SET: variants seen among roughly 807,000 people sequenced by gnomAD.
The protein encoded by SET is protein SET.
SET carries 4 observed loss-of-function variants against 39.0 expected under a neutral mutation model. The observed-to-expected ratio is 0.10, with a 90% CI of 0.05 to 0.23. The LOEUF (loss-of-function observed/expected upper bound fraction) is 0.23, where lower values mean the gene tolerates loss of function less well. SET is among the 10% of genes least tolerant of loss of function. The pLI is 1.00. For missense variants in SET, 137 were observed against 329.7 expected (o/e 0.42, Z 4.53); for synonymous variants, 114 against 115.9 (o/e 0.98, Z 0.11).
At chr9:128,684,843 CTT>C (rs1418081880), upstream of SET, among the ~76,000 whole-genome samples, 1 of 152,318 alleles carries the variant, frequency 6.6e-6, no homozygotes, top group South Asian at 2.1e-4. Context: ...GCCTCACCCT[CTT>C]GTCATTACAT....
exon 1 of SET, chr9:128,683,828 TCA>T (rs1861195466): frequency 4.4e-6 from 6 of 1,352,128 alleles, no homozygotes; most frequent in African/African-American, 4.4e-5. Flanking sequence ...TGGGGCAGTC[TCA>T]GTGTTCAGCC....
chr9:128,692,530 G>C (rs1861586299), intron 3 of SET, 132 bp from the exon 4 acceptor site: 2 of 618,610 alleles, frequency 3.2e-6, no homozygotes, highest in Middle Eastern at 4.5e-4. Context: ...TTGAGCAATT[G>C]CCTTTAGTTA....
At position 128,695,647 on chromosome 9, in the gene SET, C is replaced by T. The variant is rs898865842; in HGVS notation, c.*983C>T. ...CTAACTTCGTATTTTTTGATACGCACTTTGCAGGATGACCTCAGGGCTATG... is the reference window on the plus strand; with the variant it reads ...CTAACTTCGTATTTTTTGATACGCATTTTGCAGGATGACCTCAGGGCTATG... On this transcript the variant is annotated 3_prime_UTR_variant, in exon 8 of 8. Transcript: ENST00000322030. The T allele has an allele frequency of 1.8e-5, 4 of 225,400 alleles. No homozygotes were observed. The highest frequency in any genetic ancestry group is 6.7e-5 in the African/African-American group (3 of 45,052). The allele number at this position is 225,400 out of a possible 1,614,324, so 14.0% of individuals were successfully genotyped here.
At chr9:128,686,079 AG>A (rs1861277388), upstream of SET, among the ~76,000 whole-genome samples, 1 of 150,696 alleles carries the variant, frequency 6.6e-6, no homozygotes, top group Non-Finnish European at 1.5e-5. Flanking sequence ...GAGGCAAGGG[AG>A]GAATTCTGAG....
intron 3 of SET, chr9:128,692,450 T>A: frequency 1.0e-5 from 3 of 293,444 alleles, no homozygotes; most frequent in East Asian, 6.8e-5. Flanking sequence ...GATATACAGC[T>A]ACTGCTTTCT....
At chr9:128,693,233 CAAAAA>C (rs1024026081) in intron 5 of SET, among the ~76,000 whole-genome samples, 1 of 150,200 alleles carries the variant, frequency 6.7e-6, no homozygotes, top group Non-Finnish European at 1.5e-5. Flanking sequence ...TTCCAAAAAA[CAAAAA>C]AAAAGAGAAA....
In SET at chr9:128,689,617, A is replaced by T; in HGVS notation, c.35A>T (p.Glu12Val). ...SAPAAKVSKK[E>V]LNSNHDGADE... is the part of the protein sequence containing the mutation. ...CCGGCGGCCAAAGTCAGTAAAAAGGAGCTCAACTCCAACCACGACGGGGCC... is the reference window on the plus strand; with the variant it reads ...CCGGCGGCCAAAGTCAGTAAAAAGGTGCTCAACTCCAACCACGACGGGGCC... The change falls in exon 1 of 8, where the codon GAG becomes GTG. Residue 12 changes from glutamate to valine, a missense_variant. Glu to Val is a moderately radical substitution (Grantham distance 121, BLOSUM62 -2). Coordinates refer to ENST00000322030, the MANE Select transcript of SET (RefSeq NM_003011.4). 1 of 1,368,090 alleles carries T rather than the reference A, an allele frequency of 7.3e-7. No individual in the cohort carries two copies. Among genetic ancestry groups the T allele is most frequent in the Non-Finnish European group, 9.6e-7 (1 of 1,041,334 alleles). The allele number at this position is 1,368,090 out of a possible 1,614,324, so 84.7% of individuals were successfully genotyped here.
chr9:128,688,602 A>G (rs978204305), upstream of SET, among the ~76,000 whole-genome samples: 1 of 152,212 alleles, frequency 6.6e-6, no homozygotes, highest in Non-Finnish European at 1.5e-5. Context: ...TTATCATTTC[A>G]TAACAGAAAC....
At chr9:128,684,267 TG>T (rs1359583568), upstream of SET, among the ~76,000 whole-genome samples, 4 of 152,162 alleles carry the variant, frequency 2.6e-5, no homozygotes, top group East Asian at 7.8e-4. Flanking sequence ...CTTCCTCCTC[TG>T]GGGCTCCCTT....
At chr9:128,694,103 G>GGTGT in intron 7 of SET, 61 bp downstream of exon 7, 1 of 1,181,300 alleles carries the variant, frequency 8.5e-7, no homozygotes, top group South Asian at 1.6e-5. Flanking sequence ...GTTATTTTGG[G>GGTGT]GTGTATATAT....
intron 1 of SET, chr9:128,690,119 C>A: frequency 3.7e-6 from 1 of 268,274 alleles, no homozygotes; most frequent in Non-Finnish European, 5.7e-6. Context: ...CGCCCAGAGG[C>A]TGGCCCCGGC....
chr9:128,690,951 C>T, intron 1 of SET: 1 of 604,424 alleles, frequency 1.7e-6, no homozygotes, highest in Non-Finnish European at 3.0e-6. Flanking sequence ...CTATAGAAAA[C>T]CAATTTCTGA....
intron 1 of SET, 37 bp from the exon 2 acceptor site, chr9:128,691,133 T>A: frequency 6.5e-7 from 1 of 1,537,918 alleles, no homozygotes; most frequent in African/African-American, 1.4e-5. Flanking sequence ...CTAGGTAAAT[T>A]TATCTTAGAA....
chr9:128,686,141 G>A (rs565257846), upstream of SET, among the ~76,000 whole-genome samples: 3 of 152,176 alleles, frequency 2.0e-5, no homozygotes, highest in Non-Finnish European at 2.9e-5. Flanking sequence ...TGTTGGAGAC[G>A]GGGAGAGAGC....
Position 128,689,562 on chromosome 9 carries a change from C to A in SET, c.-21C>A. 2 of 1,337,502 alleles carry A rather than the reference C, an allele frequency of 1.5e-6. No homozygotes were observed. The highest frequency in any genetic ancestry group is 1.6e-5 in the South Asian group (1 of 63,698). The allele number at this position is 1,337,502 out of a possible 1,614,324, so 82.9% of individuals were successfully genotyped here. A position where few individuals can be genotyped will look rare whatever the true frequency, so the allele number is the denominator to read the frequency against. On this transcript the variant is annotated 5_prime_UTR_variant, in exon 1 of 8. Transcript: ENST00000322030. ...CCTTCTCTCCCCCTCCCCGCTCCCC[C>A]CCCGACCGCGGAGCAGCACCATGTC...
At chr9:128,686,145 A>C (rs1861279285), upstream of SET, among the ~76,000 whole-genome samples, 1 of 152,108 alleles carries the variant, frequency 6.6e-6, no homozygotes, top group Non-Finnish European at 1.5e-5. Context: ...GGAGACGGGG[A>C]GAGAGCAGAG....
chr9:128,689,493 CGT>C lies in SET; in HGVS notation c.-86_-85del. On this transcript the variant is annotated 5_prime_UTR_variant, in exon 1 of 8. Coordinates refer to ENST00000322030, the MANE Select transcript of SET (RefSeq NM_003011.4). ...CGGCCGGACCGAGCGGGCGCCCGCG[CGT>C]GTGGCGTGAGGGGAAGCCGCTTGCC... is the stretch of plus-strand genomic sequence containing the variant. 1.5e-6 allele frequency: 1 copy of C among 660,020 alleles called. No homozygotes were observed. The highest frequency in any genetic ancestry group is 4.1e-5 in the South Asian group (1 of 24,374). 40.9% of individuals were successfully genotyped at this position (660,020 alleles called of 1,614,324 possible).
At position 128,694,663 on chromosome 9, in the gene SET, A is replaced by G. The variant is rs1282654068; in HGVS notation, c.833A>G (p.Ter278=). ...EGEEDEGEDD[*] is the part of the protein sequence containing the mutation. ...CAGGAGGATGAAGGAGAAGATGACT[A>G]AATAGAACACTGATGGATTCCAACC... Residue 278 remains the stop codon, a stop_retained_variant, in exon 8 of 8, where the codon TAA becomes TGA. Transcript: ENST00000322030. 79 of 1,571,682 alleles carry G rather than the reference A, an allele frequency of 5.0e-5. No individual in the cohort carries two copies. Among genetic ancestry groups the G allele is most frequent in the Non-Finnish European group, 6.8e-5 (78 of 1,153,520 alleles).
chr9:128,684,054 G>A, intron 1 of SET: 1 of 1,424,428 alleles, frequency 7.0e-7, no homozygotes, highest in Non-Finnish European at 9.7e-7. Context: ...GGATTTGCAA[G>A]GATTGACTCT....
Sources: allele counts gnomAD v4.1 joint callset (sites outside exome capture counted in the v4.1 genomes callset), GRCh38; gene constraint gnomAD v4.1.1; transcripts MANE v1.5; gene names NCBI Gene and HGNC (gene_info 2026-07-23, HGNC 2026-07-21).